Variants in KCTD5 observed in about 807,000 individuals in gnomAD.
The protein encoded by KCTD5 is BTB/POZ domain-containing protein KCTD5.
KCTD5 carries 12 observed loss-of-function variants against 27.9 expected under a neutral mutation model. The ratio of observed to expected loss-of-function variants is 0.43; its 90% CI spans 0.28 to 0.70. KCTD5 has a LOEUF of 0.70. KCTD5 is among the 30% of genes least tolerant of loss of function. KCTD5 has a pLI of 0.19. For missense variants in KCTD5, 226 were observed against 274.8 expected (o/e 0.82, Z 1.26); for synonymous variants, 147 against 121.4 (o/e 1.21, Z -1.39).
In KCTD5 at chr16:2,689,958, A is replaced by G. The variant is rs140623000; in HGVS notation, c.253-5977A>G. On this transcript the variant is annotated intron_variant, in intron 1 of 5. Transcript: ENST00000301738. ...CCCAAAGTGCTGGGATCACAGGCGT[A>G]AGCCACTGTGCCCAGCCCTTCACTG... 2.4e-3 allele frequency among the ~76,000 whole-genome samples: 367 copies of G among 152,322 alleles called. 1 individual carries two copies. The highest frequency in any genetic ancestry group is 8.5e-3 in the African/African-American group (355 of 41,580).
intron 4 of KCTD5, among the ~76,000 whole-genome samples, chr16:2,702,022 C>T (rs1046532219): frequency 2.6e-5 from 4 of 152,178 alleles, no homozygotes; most frequent in Non-Finnish European, 4.4e-5. Context: ...ACTCTCCTCC[C>T]GCTGCCCCCC....
rs561102039 is a variant in KCTD5, at chr16:2,698,265, C to T, written c.453+268C>T. Among the ~76,000 whole-genome samples, 12 of 152,270 alleles carry T rather than the reference C, an allele frequency of 7.9e-5. No individual in the cohort carries two copies. The East Asian group carries it at 2.1e-3, about 27-fold the overall frequency. On this transcript the variant is annotated intron_variant, in intron 3 of 5. Transcript: ENST00000301738. ...CTCTGAGGAAGTTGGGCACGGGAGACGTGTGTAGGGAAGGAGGGCCCCATG... is the reference window on the plus strand; with the variant it reads ...CTCTGAGGAAGTTGGGCACGGGAGATGTGTGTAGGGAAGGAGGGCCCCATG...
chr16:2,707,220 C>G, intron 5 of KCTD5, 78 bp from the exon 6 acceptor site: 1 of 1,431,146 alleles, frequency 7.0e-7, no homozygotes, highest in East Asian at 2.3e-5. Flanking sequence ...CCTGTGGGCT[C>G]TGTTTTCTGG....
chr16:2,700,130 C>T (rs1251700907), intron 4 of KCTD5, among the ~76,000 whole-genome samples: 2 of 152,152 alleles, frequency 1.3e-5, no homozygotes, highest in South Asian at 2.1e-4. Flanking sequence ...GGCTCTGCCC[C>T]GCACCTTCCC....
At position 2,707,286 on chromosome 16, in the gene KCTD5, G is replaced by C. The variant is rs1161559735; in HGVS notation, c.676-12G>C. 1.2e-6 allele frequency: 2 copies of C among 1,613,130 alleles called. No homozygotes were observed. The highest frequency in any genetic ancestry group is 1.7e-6 in the Non-Finnish European group (2 of 1,179,288). On this transcript the variant is annotated splice_polypyrimidine_tract_variant and intron_variant, in intron 5 of 5. Coordinates refer to ENST00000301738, the MANE Select transcript of KCTD5 (RefSeq NM_018992.4). ...GCCCAAGTCCTCATTTTATGCATTT[G>C]GTGTTTTTCAGATTTTGCAAGAACG...
chr16:2,698,287 C>T (rs2067595453), intron 3 of KCTD5, among the ~76,000 whole-genome samples: 1 of 152,100 alleles, frequency 6.6e-6, no homozygotes, highest in Non-Finnish European at 1.5e-5. Flanking sequence ...AGGAGGGCCC[C>T]ATGAGGGCCG....
chr16:2,704,683 C>T (rs1191588544), intron 5 of KCTD5, among the ~76,000 whole-genome samples: 2 of 152,210 alleles, frequency 1.3e-5, no homozygotes, highest in African/African-American at 4.8e-5. Context: ...GTTGGGGCTC[C>T]ATTGCGTAGC....
chr16:2,705,853 A>G (rs1267398168), intron 5 of KCTD5, among the ~76,000 whole-genome samples: 1 of 152,210 alleles, frequency 6.6e-6, no homozygotes, highest in African/African-American at 2.4e-5. Context: ...GGCGAAGGAC[A>G]GCACTTTGGC....
At chr16:2,682,996 G>A in intron 1 of KCTD5, 196 bp downstream of exon 1, 1 of 582,968 alleles carries the variant, frequency 1.7e-6, no homozygotes, top group South Asian at 2.6e-5. Flanking sequence ...GGTGAGGATG[G>A]CGCCCTGGCG....
chr16:2,692,444 G>T (rs1382148025), intron 1 of KCTD5, among the ~76,000 whole-genome samples: 1 of 152,162 alleles, frequency 6.6e-6, no homozygotes, highest in African/African-American at 2.4e-5. Flanking sequence ...CGGACTGGCT[G>T]GCTCCTCTCC....
chr16:2,688,242 TA>T (rs2067550390), intron 1 of KCTD5, among the ~76,000 whole-genome samples: 1 of 63,620 alleles, frequency 1.6e-5, no homozygotes, highest in African/African-American at 5.0e-5. Flanking sequence ...TATATATATA[TA>T]TATTTATTTA....
At chr16:2,700,110 A>C (rs948925848) in intron 4 of KCTD5, among the ~76,000 whole-genome samples, 194 bp downstream of exon 4, 4 of 152,126 alleles carry the variant, frequency 2.6e-5, no homozygotes, top group African/African-American at 9.7e-5. Flanking sequence ...GGGTGGGCAG[A>C]GGTGTCTCAG....
At chr16:2,694,364 T>TCC (rs1233839560) in intron 1 of KCTD5, among the ~76,000 whole-genome samples, 5 of 71,200 alleles carry the variant, frequency 7.0e-5, no homozygotes, top group Non-Finnish European at 1.5e-4. Context: ...GGAAGGAGGA[T>TCC]AGGGTCAGGT....
chr16:2,688,256 TA>T (rs2067550820), intron 1 of KCTD5, among the ~76,000 whole-genome samples: 1 of 147,080 alleles, frequency 6.8e-6, no homozygotes, highest in Non-Finnish European at 1.5e-5. Context: ...TTTATTTATT[TA>T]TTTATTTATT....
chr16:2,690,944 C>T (rs1345189195), intron 1 of KCTD5, among the ~76,000 whole-genome samples: 1 of 152,258 alleles, frequency 6.6e-6, no homozygotes, highest in East Asian at 1.9e-4. Context: ...GGCTGATCCA[C>T]ATCCCCAACA....
At chr16:2,690,379 C>T (rs2067560777) in intron 1 of KCTD5, among the ~76,000 whole-genome samples, 1 of 152,248 alleles carries the variant, frequency 6.6e-6, no homozygotes, top group South Asian at 2.1e-4. Context: ...CCTGGGACCT[C>T]TGGAGATGGG....
At chr16:2,692,345 G>C (rs2067570149) in intron 1 of KCTD5, among the ~76,000 whole-genome samples, 1 of 152,128 alleles carries the variant, frequency 6.6e-6, no homozygotes, top group South Asian at 2.1e-4. Context: ...ACCAAGTGTT[G>C]GGACAGTGCA....
At position 2,699,277 on chromosome 16, in the gene KCTD5, C is replaced by T. The variant is rs772978895; in HGVS notation, c.454-544C>T. 1.3e-4 allele frequency: 58 copies of T among 453,340 alleles called. 1 individual carries two copies. The highest frequency in any genetic ancestry group is 7.8e-4 in the South Asian group (50 of 64,396). The allele number at this position is 453,340 out of a possible 1,614,324, so 28.1% of individuals were successfully genotyped here. On this transcript the variant is annotated intron_variant, in intron 3 of 5. Transcript: ENST00000301738. ...TGGCTCACCATCACTCCCAGGACCA[C>T]AGCTGCCTGGAGGGGCACAGCAAGC...
chr16:2,707,292 T>G lies in KCTD5; in HGVS notation c.676-6T>G. 11 of 1,613,708 alleles carry G rather than the reference T, an allele frequency of 6.8e-6. No homozygotes were observed. Among genetic ancestry groups the G allele is most frequent in the Non-Finnish European group, 9.3e-6 (11 of 1,179,638 alleles). The stretch of plus-strand genomic sequence containing the variant: ...GTCCTCATTTTATGCATTTGGTGTT[T>G]TTCAGATTTTGCAAGAACGAGGCTC... On this transcript the variant is annotated splice_region_variant and splice_polypyrimidine_tract_variant and intron_variant, in intron 5 of 5. Coordinates refer to ENST00000301738, the MANE Select transcript of KCTD5 (RefSeq NM_018992.4).
Sources: gnomAD v4.1 joint callset for allele counts (sites outside exome capture counted in the v4.1 genomes callset) on GRCh38, gnomAD v4.1.1 for gene constraint, MANE v1.5 for transcripts, NCBI Gene and HGNC (gene_info 2026-07-23, HGNC 2026-07-21) for gene names.